Variants in HMCN2 observed in about 807,000 individuals in gnomAD.
The protein encoded by HMCN2 is hemicentin-2.
In HMCN2, 325 loss-of-function variants were observed where a neutral mutation model predicts 377.5. The observed-to-expected ratio is 0.86, with a 90% confidence interval of 0.79 to 0.94. The LOEUF (loss-of-function observed/expected upper bound fraction) is 0.94, where lower values mean the gene tolerates loss of function less well. HMCN2 is among the 40% of genes least tolerant of loss of function. HMCN2 has a pLI of 0.00. For missense variants in HMCN2, 4,543 were observed against 4,725.3 expected (o/e 0.96, Z 1.13); for synonymous variants, 2,007 against 2,046.8 (o/e 0.98, Z 0.53).
Position 130,362,933 on chromosome 9 carries a change from T to C in HMCN2, c.6175T>C (p.Cys2059Arg), listed in dbSNP as rs1432685725. The C allele has an allele frequency of 1.0e-6, 1 of 985,814 alleles. No individual in the cohort carries two copies. The highest frequency in any genetic ancestry group is 1.7e-5 in the African/African-American group (1 of 57,264). The allele number at this position is 985,814 out of a possible 1,614,324, so 61.1% of individuals were successfully genotyped here. The change falls in exon 40 of 98, where the codon TGC becomes CGC. Residue 2059 changes from cysteine to arginine, a missense_variant. Cys to Arg is a radical substitution (Grantham distance 180). Transcript: ENST00000683500. Reference protein sequence around the residue: ...ARASDSGRYSCVAVSAVGEDR... With the variant: ...ARASDSGRYSRVAVSAVGEDR... ...GGCCTCCGACTCTGGGAGGTACTCC[T>C]GCGTGGCTGTGAGCGCGGTGGGCGA... is the stretch of plus-strand genomic sequence containing the variant.
At chr9:130,400,579 T>G (rs1842816421) in intron 76 of HMCN2, 1 of 190,748 alleles carries the variant, frequency 5.2e-6, no homozygotes, top group African/African-American at 3.0e-5. Flanking sequence ...AAAATACACT[T>G]TTTTTTTTAA....
At chr9:130,296,169 G>A in intron 6 of HMCN2, among the ~76,000 whole-genome samples, 1 of 152,170 alleles carries the variant, frequency 6.6e-6, no homozygotes. Context: ...AGGGACTGTG[G>A]GCCAGTTTGG....
Position 130,285,249 on chromosome 9 carries a change from A to G in HMCN2, c.422A>G (p.Asp141Gly). The G allele has an allele frequency of 2.1e-6, 1 of 471,078 alleles. No individual in the cohort carries two copies. Among genetic ancestry groups the G allele is most frequent in the South Asian group, 1.5e-5 (1 of 64,568 alleles). The allele number at this position is 471,078 out of a possible 1,614,324, so 29.2% of individuals were successfully genotyped here. ...GGATCCTTCATCTACGTCTTTTCGG[A>G]TGCCCGCGCCAAAGACTATCACAAG... ...NPGSFIYVFS[D>G]ARAKDYHKKE... Residue 141 changes from aspartate to glycine, a missense_variant, in exon 3 of 98, where the codon GAT becomes GGT. Asp to Gly is a moderately conservative substitution (Grantham distance 94). Around this residue, in one of 5 missense-constraint regions of HMCN2, gnomAD observed 547 missense variants for 189.9 expected, o/e 2.88. Transcript: ENST00000683500.
intron 15 of HMCN2, among the ~76,000 whole-genome samples, chr9:130,310,676 AG>A (rs1837200055): frequency 1.3e-5 from 2 of 151,548 alleles, no homozygotes. Flanking sequence ...TGTGAACACG[AG>A]GAGGTGGGGG....
At chr9:130,368,482 T>G in intron 44 of HMCN2, 45 bp downstream of exon 44, 1 of 971,828 alleles carries the variant, frequency 1.0e-6, no homozygotes, top group South Asian at 4.8e-5. Context: ...GATCATGGAC[T>G]GGCTGGGCAG....
rs2131700406 is a variant in HMCN2 at position 130,397,517 on chromosome 9, A to G, written c.11199-11A>G. On this transcript the variant is annotated splice_polypyrimidine_tract_variant and intron_variant, in intron 73 of 97. Coordinates refer to ENST00000683500, the MANE Select transcript of HMCN2 (RefSeq NM_001291815.2). ...CTTGCTCATCTCCAGGGCAACCCCC[A>G]TCCATTCTAGGTTTGAAATTCTGCC... The G allele has an allele frequency of 7.8e-7, 1 of 1,289,780 alleles. No homozygotes were observed. The highest frequency in any genetic ancestry group is 1.0e-6 in the Non-Finnish European group (1 of 988,840). The allele number at this position is 1,289,780 out of a possible 1,614,324, so 79.9% of individuals were successfully genotyped here.
chr9:130,385,971 C>T (rs569665281), intron 60 of HMCN2, among the ~76,000 whole-genome samples: 2 of 152,310 alleles, frequency 1.3e-5, no homozygotes, highest in East Asian at 1.9e-4. Flanking sequence ...CCCAGCCCTG[C>T]AGTCATGGCA....
In HMCN2 at chr9:130,433,351, G is replaced by C. The variant is rs1429859291; in HGVS notation, c.14898G>C (p.Thr4966=). 1 of 1,447,290 alleles carries C rather than the reference G, an allele frequency of 6.9e-7. No homozygotes were observed. The highest frequency in any genetic ancestry group is 1.4e-5 in the South Asian group (1 of 72,206). 89.7% of individuals were successfully genotyped at this position (1,447,290 alleles called of 1,614,324 possible). The change falls in exon 98 of 98, where the codon ACG becomes ACC. Residue 4966 remains threonine (T), a synonymous_variant. Transcript: ENST00000683500. ...CGTGTGTCTGTGCCGCCCGCAGGAC[G>C]TGCTTCCGGCGCTGCTCGCAGGACT... ...ATYRQGPSPG[T]CFRRCSQDCG... is the part of the protein sequence containing the mutation.
chr9:130,353,168 G>T lies in HMCN2; in HGVS notation c.4827G>T (p.Val1609=). The change falls in exon 31 of 98, where the codon GTG becomes GTT. Residue 1609 remains valine, a synonymous_variant. Coordinates refer to ENST00000683500, the MANE Select transcript of HMCN2 (RefSeq NM_001291815.2). ...ACACCTGCAAGGCCAGCAATGCTGT[G>T]GGGGCCGCAGAGAAGGCCACCAGGC... The part of the protein sequence containing the change: ...GVYTCKASNA[V]GAAEKATRLD... 7.7e-7 allele frequency: 1 copy of T among 1,304,076 alleles called. No homozygotes were observed. Among genetic ancestry groups the T allele is most frequent in the African/African-American group, 1.5e-5 (1 of 65,994 alleles). The allele number at this position is 1,304,076 out of a possible 1,614,324, so 80.8% of individuals were successfully genotyped here.
In HMCN2 at chr9:130,414,480, A is replaced by G. The variant is rs1262201661; in HGVS notation, c.12961+3828A>G. Among the ~76,000 whole-genome samples the G allele has an allele frequency of 1.3e-5, 2 of 152,212 alleles. No homozygotes were observed. Among genetic ancestry groups the G allele is most frequent in the Middle Eastern group, 3.2e-3 (1 of 316 alleles). On this transcript the variant is annotated intron_variant, in intron 85 of 97. Coordinates refer to ENST00000683500, the MANE Select transcript of HMCN2 (RefSeq NM_001291815.2). The surrounding 1 kb of genome is among the most constrained non-coding windows in gnomAD (Gnocchi z 4.4). ...ATTTAAATAAAAATCCGAGTCTTACAATACTGAAACTCACTTACACACCAG... is the reference window on the plus strand; with the variant it reads ...ATTTAAATAAAAATCCGAGTCTTACGATACTGAAACTCACTTACACACCAG...
rs1564810845 is a variant in HMCN2 at position 130,356,229 on chromosome 9, CG to C, written c.5401del (p.Ala1801ProfsTer29). 7.7e-7 allele frequency: 1 copy of C among 1,301,750 alleles called. No individual in the cohort carries two copies. The allele number at this position is 1,301,750 out of a possible 1,614,324, so 80.6% of individuals were successfully genotyped here. On this transcript the variant is annotated frameshift_variant, in exon 34 of 98. Coordinates refer to ENST00000683500, the MANE Select transcript of HMCN2 (RefSeq NM_001291815.2). LOFTEE classifies it high-confidence loss of function. ...CQATNEAGTA[G>X]AEVEVSVHEF... is the part of the protein sequence containing the mutation. ...AGGCCACCAATGAGGCGGGCACTGC[CG>C]GGGCCGAGGTGGAGGTGTCTGTGCA...
chr9:130,389,410 C>T (rs1588372992), intron 62 of HMCN2, among the ~76,000 whole-genome samples: 4 of 152,146 alleles, frequency 2.6e-5, no homozygotes. Context: ...TTTCTTCTTC[C>T]CCCAGACCCA....
At chr9:130,282,808 C>T (rs1588168008) in intron 1 of HMCN2, among the ~76,000 whole-genome samples, 2 of 152,336 alleles carry the variant, frequency 1.3e-5, no homozygotes, top group East Asian at 1.9e-4. Flanking sequence ...CAGTGGCTCA[C>T]ACCTGTAATC....
intron 15 of HMCN2, among the ~76,000 whole-genome samples, chr9:130,318,457 C>G (rs1463995493): frequency 6.6e-6 from 1 of 152,158 alleles, no homozygotes; most frequent in Non-Finnish European, 1.5e-5. Context: ...CGGACTGGCT[C>G]CTGGCCTGCT....
intron 48 of HMCN2, 111 bp from the exon 49 acceptor site, chr9:130,374,391 G>A (rs10901228): frequency 0.57 from 252,891 of 442,908 alleles, 74,734 homozygotes; most frequent in East Asian, 0.73. Context: ...ATGGGCCTCT[G>A]GGCCGGAATG....
Position 130,425,075 on chromosome 9 carries a change from TGG to T in HMCN2, c.13587_13588del (p.Val4530GlyfsTer11). 2.6e-6 allele frequency: 4 copies of T among 1,549,944 alleles called. No individual in the cohort carries two copies. The highest frequency in any genetic ancestry group is 3.5e-6 in the Non-Finnish European group (4 of 1,146,850). ...CCCGATGGCCTCCTGCTCCTCGACG[TGG>T]TGGTCAATGGCGTTGTCCCCGAGAG... On this transcript the variant is annotated frameshift_variant, in exon 89 of 98. Transcript: ENST00000683500. LOFTEE classifies it high-confidence loss of function.
intron 61 of HMCN2, among the ~76,000 whole-genome samples, chr9:130,387,086 C>T (rs576971028): frequency 1.3e-5 from 2 of 152,332 alleles, no homozygotes; most frequent in African/African-American, 2.4e-5. Flanking sequence ...CAGGAGGCCA[C>T]GTTACCTGCA....
intron 85 of HMCN2, among the ~76,000 whole-genome samples, chr9:130,417,254 G>T (rs76986896): frequency 0.18 from 27,088 of 151,830 alleles, 3,060 homozygotes; most frequent in East Asian, 0.41. Context: ...GGACATGGTC[G>T]CTCATGACTA....
intron 79 of HMCN2, 43 bp from the exon 80 acceptor site, chr9:130,403,698 A>G (rs976319371): frequency 7.0e-6 from 9 of 1,283,482 alleles, no homozygotes; most frequent in Non-Finnish European, 9.1e-6. Flanking sequence ...GGGGGTCCCC[A>G]GTCCCAGTTC....
Sources: gnomAD v4.1 joint callset for allele counts (sites outside exome capture counted in the v4.1 genomes callset) on GRCh38, gnomAD v4.1.1 for gene constraint, gnomAD v4.1.1 regional missense constraint, Gnocchi (gnomAD v3.1) non-coding constraint, MANE v1.5 for transcripts, NCBI Gene and HGNC (gene_info 2026-07-23, HGNC 2026-07-21) for gene names.